Variants in MCUR1 observed in about 807,000 individuals in gnomAD.
MCUR1 encodes mitochondrial calcium uniporter regulator 1, also known as MCU regulator 1.
Under a neutral mutation model 42.0 loss-of-function variants are expected in MCUR1, and 37 were observed. The observed-to-expected ratio is 0.88, with a 90% CI of 0.68 to 1.16. The LOEUF (loss-of-function observed/expected upper bound fraction) is 1.16. Ranked by LOEUF, MCUR1 falls within the 50% of genes most tolerant of loss-of-function variation. The pLI is 0.00. For synonymous variants in MCUR1, 229 were observed against 196.2 expected (o/e 1.17, Z -1.40); for missense variants, 469 against 468.4 (o/e 1.00, Z -0.01).
Position 13,814,360 on chromosome 6 carries a change from G to C in MCUR1, c.70C>G (p.Pro24Ala), listed in dbSNP as rs1156673399. Residue 24 changes from proline (P) to alanine (A), a missense_variant, in exon 1 of 9, where the codon CCC becomes GCC. By Grantham distance (27) the Pro-to-Ala change is conservative (BLOSUM62 -1). Transcript: ENST00000379170. The stretch of plus-strand genomic sequence containing the variant: ...CCCGGTCTTCCGCTGAGGCCCACGG[G>C]CAAGAAGAGAAGCCGCTGGCGGCCG... ...LPGRQRLLFL[P>A]VGLSGRPGGS... 1 of 1,525,212 alleles carries C rather than the reference G, an allele frequency of 6.6e-7. No homozygotes were observed. The highest frequency in any genetic ancestry group is 2.0e-5 in the Admixed American group (1 of 50,360). 94.5% of individuals were successfully genotyped at this position (1,525,212 alleles called of 1,614,324 possible). A position where few individuals can be genotyped will look rare whatever the true frequency, so the allele number is the denominator to read the frequency against.
At position 13,814,275 on chromosome 6, in the gene MCUR1, A is replaced by C. The variant is rs1177275263; in HGVS notation, c.155T>G (p.Leu52Arg). ...GCGGGCCGCCGGGGCGCGAGGGCGC[A>C]GCGCCCCCAGACCGTCGGAGAGCGC... ...LSALSDGLGA[L>R]RPRAPAARGG... Residue 52 changes from leucine to arginine, a missense_variant, in exon 1 of 9, where the codon CTG (leucine) becomes CGG (arginine). Coordinates refer to ENST00000379170, the MANE Select transcript of MCUR1 (RefSeq NM_001031713.4). 5.4e-6 allele frequency: 8 copies of C among 1,479,292 alleles called. No homozygotes were observed. Among genetic ancestry groups the C allele is most frequent in the East Asian group, 3.0e-5 (1 of 33,718 alleles). The allele number at this position is 1,479,292 out of a possible 1,614,324, so 91.6% of individuals were successfully genotyped here.
rs759533561 is a variant in MCUR1, at chr6:13,790,765, T to C, written c.*44A>G. On this transcript the variant is annotated 3_prime_UTR_variant, in exon 9 of 9. Transcript: ENST00000379170. ...ACCGCACCCAGCCAACAATCTGGTATTCTTAAGGCAAAACAGTAGAAATCA... is the reference window on the plus strand; with the variant it reads ...ACCGCACCCAGCCAACAATCTGGTACTCTTAAGGCAAAACAGTAGAAATCA... 52 of 1,519,080 alleles carry C rather than the reference T, an allele frequency of 3.4e-5. No individual in the cohort carries two copies. Among genetic ancestry groups the C allele is most frequent in the Non-Finnish European group, 4.5e-5 (50 of 1,100,946 alleles). The allele number at this position is 1,519,080 out of a possible 1,614,324, so 94.1% of individuals were successfully genotyped here.
At chr6:13,806,235 G>A (rs1379725252) in intron 2 of MCUR1, among the ~76,000 whole-genome samples, 1 of 152,028 alleles carries the variant, frequency 6.6e-6, no homozygotes, top group Non-Finnish European at 1.5e-5. Flanking sequence ...CTGGGTGACA[G>A]GGCGAGACTC....
chr6:13,801,227 T>C (rs1759980425), intron 4 of MCUR1, 61 bp downstream of exon 4: 2 of 1,113,706 alleles, frequency 1.8e-6, no homozygotes, highest in South Asian at 2.6e-5. Flanking sequence ...TTTATGTGTA[T>C]ATAATTTATC....
intron 3 of MCUR1, among the ~76,000 whole-genome samples, chr6:13,801,845 C>G (rs1461227735): frequency 6.6e-6 from 1 of 151,918 alleles, no homozygotes; most frequent in African/African-American, 2.4e-5. Flanking sequence ...TGAGTGATAC[C>G]CTGTCTCAAA....
At chr6:13,806,087 C>A (rs1365256965) in intron 2 of MCUR1, among the ~76,000 whole-genome samples, 1 of 152,014 alleles carries the variant, frequency 6.6e-6, no homozygotes, top group Non-Finnish European at 1.5e-5. Flanking sequence ...AACCCCATCT[C>A]TATGAAAAAC....
chr6:13,801,274 A>G lies in MCUR1; in HGVS notation c.741+14T>C. ...ATATAATCAACTTTCTAAGTGTGAG[A>G]GGCTCTGTTTTACCTCATTTTCTGC... On this transcript the variant is annotated intron_variant, in intron 4 of 8. Coordinates refer to ENST00000379170, the MANE Select transcript of MCUR1 (RefSeq NM_001031713.4). The G allele has an allele frequency of 6.5e-7, 1 of 1,528,852 alleles. No homozygotes were observed. Among genetic ancestry groups the G allele is most frequent in the Non-Finnish European group, 9.0e-7 (1 of 1,105,168 alleles). 94.7% of individuals were successfully genotyped at this position (1,528,852 alleles called of 1,614,324 possible).
Position 13,814,297 on chromosome 6 carries a change from G to A in MCUR1, c.133C>T (p.Leu45Phe), listed in dbSNP as rs542578640. ...ETSARRCLSA[L>F]SDGLGALRPR... ...CGCAGCGCCCCCAGACCGTCGGAGA[G>A]CGCAGAGAGGCAGCGGCGTGCTGAG... The change falls in exon 1 of 9, where the codon CTC (leucine) becomes TTC (phenylalanine). Residue 45 changes from leucine to phenylalanine, a missense_variant. Transcript: ENST00000379170. 2 of 1,502,446 alleles carry A rather than the reference G, an allele frequency of 1.3e-6. No individual in the cohort carries two copies. Among genetic ancestry groups the A allele is most frequent in the Non-Finnish European group, 1.8e-6 (2 of 1,131,920 alleles). The allele number at this position is 1,502,446 out of a possible 1,614,324, so 93.1% of individuals were successfully genotyped here.
rs749276944 is a variant in MCUR1, at chr6:13,806,945, A to G, written c.515T>C (p.Val172Ala). Residue 172 changes from valine (V) to alanine (A), a missense_variant, in exon 2 of 9, where the codon GTG becomes GCG. Physicochemically the swap from Val to Ala is moderately conservative, Grantham distance 64. Transcript: ENST00000379170. Reference protein sequence around the residue: ...RKLYFDTHALVCLLEDNGFAT... With the variant: ...RKLYFDTHALACLLEDNGFAT... ...ATTACCATTGTCTTCCAGTAAGCAC[A>G]CTAAGGCATGAGTGTCGAAGTAGAG... 2 of 1,612,326 alleles carry G rather than the reference A, an allele frequency of 1.2e-6. No homozygotes were observed. The highest frequency in any genetic ancestry group is 1.7e-4 in the Middle Eastern group (1 of 6,058).
chr6:13,797,666 C>G (rs745714551), intron 6 of MCUR1, among the ~76,000 whole-genome samples: 3 of 151,300 alleles, frequency 2.0e-5, no homozygotes, highest in Non-Finnish European at 4.4e-5. Context: ...TGAGATCACA[C>G]CACTGCACTC....
At chr6:13,795,361 G>T (rs1759834087) in intron 6 of MCUR1, among the ~76,000 whole-genome samples, 2 of 152,042 alleles carry the variant, frequency 1.3e-5, no homozygotes, top group South Asian at 2.1e-4. Context: ...CAAAAGAAGA[G>T]CCTAAATATT....
chr6:13,794,445 A>T (rs1305167167), intron 6 of MCUR1, among the ~76,000 whole-genome samples: 2 of 152,094 alleles, frequency 1.3e-5, no homozygotes, highest in African/African-American at 2.4e-5. Context: ...TGGAGACTCA[A>T]CTCAATTTAG....
chr6:13,795,644 G>A (rs1759838247), intron 6 of MCUR1, among the ~76,000 whole-genome samples: 1 of 152,136 alleles, frequency 6.6e-6, no homozygotes, highest in Non-Finnish European at 1.5e-5. Flanking sequence ...TCCCCGCTAG[G>A]TTACTAAATG....
At chr6:13,800,435 A>C (rs1298772376) in intron 4 of MCUR1, 53 bp from the exon 5 acceptor site, 1 of 1,010,462 alleles carries the variant, frequency 9.9e-7, no homozygotes, top group Non-Finnish European at 1.5e-6. Context: ...AAACGTAGTA[A>C]CCAACAAATA....
chr6:13,805,365 T>C (rs1040017980), intron 2 of MCUR1, among the ~76,000 whole-genome samples: 1 of 152,184 alleles, frequency 6.6e-6, no homozygotes, highest in African/African-American at 2.4e-5. Flanking sequence ...AAAGAAGTTT[T>C]GGCGAAAAAA....
At chr6:13,813,978 G>T in intron 1 of MCUR1, 37 bp downstream of exon 1, 1 of 1,228,526 alleles carries the variant, frequency 8.1e-7, no homozygotes, top group Non-Finnish European at 1.0e-6. Flanking sequence ...CCAACCCCGC[G>T]AGACGAGCCC....
intron 1 of MCUR1, among the ~76,000 whole-genome samples, chr6:13,813,441 G>A (rs966090228): frequency 1.3e-5 from 2 of 151,880 alleles, no homozygotes; most frequent in African/African-American, 4.8e-5. Flanking sequence ...TTATGCATAC[G>A]TATATCCACA....
At chr6:13,801,680 T>C (rs1277537262) in intron 3 of MCUR1, among the ~76,000 whole-genome samples, 2 of 152,142 alleles carry the variant, frequency 1.3e-5, no homozygotes, top group African/African-American at 2.4e-5. Flanking sequence ...TGAAACCCCA[T>C]CTCTACCAAA....
In MCUR1 at chr6:13,790,861, G is replaced by A. The variant is rs1430523127; in HGVS notation, c.1028C>T (p.Ser343Phe). 1 of 1,607,694 alleles carries A rather than the reference G, an allele frequency of 6.2e-7. No homozygotes were observed. The highest frequency in any genetic ancestry group is 8.5e-7 in the Non-Finnish European group (1 of 1,175,214). The change falls in exon 9 of 9, where the codon TCT (serine) becomes TTT (phenylalanine). Residue 343 changes from serine (S) to phenylalanine (F), a missense_variant. Coordinates refer to ENST00000379170, the MANE Select transcript of MCUR1 (RefSeq NM_001031713.4). Reference protein sequence around the residue: ...KLDNIKYLAGSIFTCLTVALG... With the variant: ...KLDNIKYLAGFIFTCLTVALG... Reference sequence around the variant, plus strand: ...AGCTACTGTTAGGCACGTAAATATAGACCCTGTAAGAAAAAAACAATTGAG... The same window carrying A: ...AGCTACTGTTAGGCACGTAAATATAAACCCTGTAAGAAAAAAACAATTGAG...
Sources: gnomAD v4.1 joint callset for allele counts (sites outside exome capture counted in the v4.1 genomes callset) on GRCh38, gnomAD v4.1.1 for gene constraint, MANE v1.5 for transcripts, NCBI Gene and HGNC (gene_info 2026-07-23, HGNC 2026-07-21) for gene names.